Variants in NBDY observed in about 807,000 individuals in gnomAD.
NBDY encodes P-body dissociating protein.
chrX:56,800,226 G>T (rs1215027107), intron 2 of NBDY, among the ~76,000 whole-genome samples: 1 of 111,712 alleles, frequency 9.0e-6, no homozygotes, highest in African/African-American at 3.3e-5. Flanking sequence ...CTTTTTTCCT[G>T]TCTTCATCTG....
chrX:56,742,697 T>C (rs1389542467), intron 2 of NBDY, among the ~76,000 whole-genome samples: 4 of 112,242 alleles, frequency 3.6e-5, no homozygotes, highest in Non-Finnish European at 7.5e-5. Flanking sequence ...GCAACTTTAC[T>C]GAATTTATCA....
intron 2 of NBDY, among the ~76,000 whole-genome samples, chrX:56,739,603 C>T (rs570295737): frequency 2.8e-4 from 31 of 108,965 alleles, no homozygotes; most frequent in South Asian, 1.2e-3. Flanking sequence ...ATTCAGAGTA[C>T]GCATATTAGC....
chrX:56,783,962 CCTT>C (rs1240616805), intron 2 of NBDY, among the ~76,000 whole-genome samples: 1 of 112,512 alleles, frequency 8.9e-6, no homozygotes, highest in African/African-American at 3.2e-5. Context: ...CTGCCTCCCT[CCTT>C]CTTCTGGATT....
intron 2 of NBDY, among the ~76,000 whole-genome samples, chrX:56,807,393 A>T (rs1161964621): frequency 9.0e-6 from 1 of 111,446 alleles, no homozygotes; most frequent in East Asian, 2.8e-4. Flanking sequence ...TGAATCTATA[A>T]ATTACCCTGG....
chrX:56,794,148 C>T (rs1254325907), intron 2 of NBDY, among the ~76,000 whole-genome samples: 2 of 112,068 alleles, frequency 1.8e-5, no homozygotes, highest in African/African-American at 6.5e-5. Context: ...GGGGTCCCAA[C>T]GGCAGGTACG....
At chrX:56,781,551 T>G (rs1476877802) in intron 2 of NBDY, among the ~76,000 whole-genome samples, 1 of 112,421 alleles carries the variant, frequency 8.9e-6, no homozygotes, top group South Asian at 3.7e-4. Flanking sequence ...TGATGAACTC[T>G]GCTTTCCAGT....
chrX:56,803,848 G>A (rs1404144587), intron 2 of NBDY, among the ~76,000 whole-genome samples: 1 of 112,014 alleles, frequency 8.9e-6, no homozygotes, highest in East Asian at 2.8e-4. Flanking sequence ...GAAAGAAACC[G>A]GCCAAGGAGC....
intron 1 of NBDY, among the ~76,000 whole-genome samples, chrX:56,730,425 C>T (rs1274305737): frequency 3.1e-5 from 3 of 97,023 alleles, no homozygotes; most frequent in Non-Finnish European, 4.0e-5. Flanking sequence ...GCAGGACAAT[C>T]ATTTGAACCT....
chrX:56,734,744 G>T (rs1490821424), intron 2 of NBDY, among the ~76,000 whole-genome samples: 1 of 111,768 alleles, frequency 8.9e-6, no homozygotes, highest in Non-Finnish European at 1.9e-5. Context: ...GGAAGAGAGG[G>T]GACCTTGGAC....
intron 2 of NBDY, among the ~76,000 whole-genome samples, chrX:56,798,174 C>T (rs1031208810): frequency 4.4e-5 from 5 of 112,384 alleles, no homozygotes; most frequent in Non-Finnish European, 7.5e-5. Flanking sequence ...GGCAACTTGG[C>T]TTTCTCCCAA....
At chrX:56,734,763 C>T (rs768158854) in intron 2 of NBDY, among the ~76,000 whole-genome samples, 4 of 112,036 alleles carry the variant, frequency 3.6e-5, no homozygotes, top group African/African-American at 9.7e-5. Flanking sequence ...ACTTTAGCTA[C>T]TGGTTAGCTA....
intron 2 of NBDY, among the ~76,000 whole-genome samples, chrX:56,743,801 T>C: frequency 9.0e-6 from 1 of 111,322 alleles, no homozygotes; most frequent in South Asian, 3.7e-4. Context: ...CTCTGGTGTT[T>C]ATTATTTCTT....
At chrX:56,745,093 C>T (rs932227905) in intron 2 of NBDY, among the ~76,000 whole-genome samples, 11 of 111,240 alleles carry the variant, frequency 9.9e-5, no homozygotes, top group Admixed American at 7.7e-4. Context: ...ATTACGTGAA[C>T]ATAAGCACTG....
rs765167716 is a variant in NBDY, at chrX:56,759,067, C to G, written c.*166+26868C>G. Among the ~76,000 whole-genome samples, 4 of 112,106 alleles carry G rather than the reference C, an allele frequency of 3.6e-5. No individual in the cohort carries two copies. In the South Asian group the frequency reaches 1.5e-3, roughly 42 times the overall value. Reference sequence around the variant, plus strand: ...AGAATATTGAAAAGGTTTTCTGTGTCTCCACTGAGGGATACTCCTGCCTCA... The same window carrying G: ...AGAATATTGAAAAGGTTTTCTGTGTGTCCACTGAGGGATACTCCTGCCTCA... On this transcript the variant is annotated intron_variant, in intron 2 of 2. Transcript: ENST00000374922.
chrX:56,738,886 G>T (rs2069511772), intron 2 of NBDY, among the ~76,000 whole-genome samples: 2 of 110,714 alleles, frequency 1.8e-5, no homozygotes, highest in South Asian at 7.9e-4. Flanking sequence ...GGACTAAAGG[G>T]TATGATCTAA....
intron 2 of NBDY, among the ~76,000 whole-genome samples, chrX:56,814,992 T>A (rs2069904570): frequency 9.0e-6 from 1 of 111,431 alleles, no homozygotes; most frequent in African/African-American, 3.3e-5. Flanking sequence ...TTCTGTCATA[T>A]CTTATACACA....
chrX:56,814,811 G>A (rs2069903779), intron 2 of NBDY, among the ~76,000 whole-genome samples: 1 of 110,342 alleles, frequency 9.1e-6, no homozygotes, highest in South Asian at 3.8e-4. Context: ...CTTCTCTTCC[G>A]CTGTTCACCT....
At chrX:56,781,348 A>G (rs1192522387) in intron 2 of NBDY, among the ~76,000 whole-genome samples, 2 of 111,408 alleles carry the variant, frequency 1.8e-5, no homozygotes, top group Non-Finnish European at 3.8e-5. Flanking sequence ...TGCCTTCCCA[A>G]TATTTGCTGA....
chrX:56,750,361 TTC>T (rs2069578277), intron 2 of NBDY, among the ~76,000 whole-genome samples: 1 of 111,765 alleles, frequency 8.9e-6, no homozygotes, highest in Admixed American at 9.5e-5. Context: ...AACTATTTTT[TTC>T]TGAGTACCTC....
Sources: allele counts gnomAD v4.1 joint callset (sites outside exome capture counted in the v4.1 genomes callset), GRCh38; gene constraint gnomAD v4.1.1; transcripts MANE v1.5; gene names NCBI Gene and HGNC (gene_info 2026-07-23, HGNC 2026-07-21).